The following LRP2 variants were observed in gnomAD, a reference collection of about 807,000 sequenced individuals.
LRP2 encodes low-density lipoprotein receptor-related protein 2.
A neutral mutation model predicts 531.0 loss-of-function variants in LRP2; 172 were observed. The ratio of observed to expected loss-of-function variants is 0.32; its 90% CI spans 0.29 to 0.37. LRP2 has a LOEUF of 0.37. Among genes scored for constraint, LRP2 ranks in the 10% least tolerant of loss-of-function variants. The pLI, the probability that LRP2 is intolerant of heterozygous loss-of-function variation, is 1.00. For synonymous variants in LRP2, 1,992 were observed against 2,027.6 expected, an observed-to-expected ratio of 0.98 and a Z score of 0.47; for missense variants, 5,167 against 5,868.3, an observed-to-expected ratio of 0.88 and a Z score of 3.90.
At chr2:169,289,969 C>T (rs1291942185) in intron 8 of LRP2, among the ~76,000 whole-genome samples, 1 of 152,134 alleles carries the variant, frequency 6.6e-6, no homozygotes, top group Non-Finnish European at 1.5e-5. Flanking sequence ...CTTGGGGTTG[C>T]AGTTACATGG....
In LRP2 at chr2:169,185,506, G is replaced by A. The variant is rs1178708182; in HGVS notation, c.9842C>T (p.Ser3281Phe). The A allele has an allele frequency of 1.2e-6, 2 of 1,612,992 alleles. No homozygotes were observed. The highest frequency in any genetic ancestry group is 1.7e-6 in the Non-Finnish European group (2 of 1,179,978). ...AAESLAVDWV[S>F]RKLYWLDARL... ...AAGCTCATCAGTGTTTTCTTACCTG[G>A]AAACCCAGTCTACAGCCAGACTTTC... is the stretch of plus-strand genomic sequence containing the variant. Residue 3281 changes from serine to phenylalanine, a missense_variant, in exon 50 of 79, where the codon TCC becomes TTC. Transcript: ENST00000649046.
intron 76 of LRP2, among the ~76,000 whole-genome samples, chr2:169,133,669 G>A (rs1685373192): frequency 6.6e-6 from 1 of 152,138 alleles, no homozygotes; most frequent in South Asian, 2.1e-4. Flanking sequence ...ATACATGTTC[G>A]CAGTTGACAA....
chr2:169,163,516 G>A (rs899958690), intron 62 of LRP2, among the ~76,000 whole-genome samples: 1 of 152,132 alleles, frequency 6.6e-6, no homozygotes, highest in Admixed American at 6.5e-5. Context: ...GGATGTAAGT[G>A]ACAATAAGTT....
At chr2:169,353,379 A>G (rs1574283602) in intron 1 of LRP2, among the ~76,000 whole-genome samples, 1 of 152,172 alleles carries the variant, frequency 6.6e-6, no homozygotes, top group Non-Finnish European at 1.5e-5. Flanking sequence ...AGGGGGGAGT[A>G]GGGTCAAGGA....
chr2:169,342,348 T>A (rs1646751186), intron 1 of LRP2, among the ~76,000 whole-genome samples: 1 of 152,170 alleles, frequency 6.6e-6, no homozygotes. Flanking sequence ...AAGCTTTCTC[T>A]TTGTTCCATG....
rs769746523 is a variant in LRP2 at position 169,280,493 on chromosome 2, T to C, written c.1198A>G (p.Asn400Asp). Residue 400 changes from asparagine to aspartate, a missense_variant, in exon 11 of 79, where the codon AAT (asparagine) becomes GAT (aspartate). Around this residue, in one of 6 missense-constraint regions of LRP2, gnomAD observed 2,811 missense variants for 3,058.0 expected, o/e 0.92. Coordinates refer to ENST00000649046, the MANE Select transcript of LRP2 (RefSeq NM_004525.3). ...TCACCAATTAACAAATCCCGACCAT[T>C]GGAGAAGATAATGGAGGCCTCGCCA... The part of the protein sequence containing the change: ...SFGEASIIFS[N>D]GRDLLIGDIH... 7 of 1,614,100 alleles carry C rather than the reference T, an allele frequency of 4.3e-6. No individual in the cohort carries two copies. The South Asian group carries it at 7.7e-5, about 18-fold the overall frequency.
chr2:169,154,778 G>T (rs562780317), intron 65 of LRP2, among the ~76,000 whole-genome samples, 175 bp from the exon 66 acceptor site: 2 of 152,242 alleles, frequency 1.3e-5, no homozygotes, highest in African/African-American at 4.8e-5. Flanking sequence ...TACAAAATCC[G>T]TGACTTGACA....
intron 3 of LRP2, among the ~76,000 whole-genome samples, chr2:169,315,781 A>G (rs1010916766): frequency 6.6e-6 from 1 of 152,088 alleles, no homozygotes; most frequent in African/African-American, 2.4e-5. Flanking sequence ...AGGCCAACCC[A>G]GAGACTACTG....
At chr2:169,146,034 A>C in intron 69 of LRP2, 111 bp from the exon 70 acceptor site, 1 of 970,556 alleles carries the variant, frequency 1.0e-6, no homozygotes, top group Non-Finnish European at 1.6e-6. Flanking sequence ...TTATTCCCTC[A>C]TACAATGCCT....
chr2:169,129,386 A>C (rs1685204799), intron 77 of LRP2, among the ~76,000 whole-genome samples: 1 of 152,236 alleles, frequency 6.6e-6, no homozygotes. Flanking sequence ...CTCAGTACAG[A>C]GAGAACACAT....
chr2:169,276,390 C>CA (rs1288637884), intron 13 of LRP2, among the ~76,000 whole-genome samples: 1 of 151,952 alleles, frequency 6.6e-6, no homozygotes, highest in Non-Finnish European at 1.5e-5. Context: ...TTATGCTTTA[C>CA]TTTTTTTTAC....
intron 29 of LRP2, among the ~76,000 whole-genome samples, chr2:169,234,060 G>C (rs1689512565): frequency 6.6e-6 from 1 of 152,086 alleles, no homozygotes; most frequent in Non-Finnish European, 1.5e-5. Flanking sequence ...TTATAGTTTA[G>C]ATGCATCTTT....
At chr2:169,210,752 C>T (rs760714528) in intron 37 of LRP2, among the ~76,000 whole-genome samples, 2 of 152,044 alleles carry the variant, frequency 1.3e-5, no homozygotes, top group Non-Finnish European at 2.9e-5. Context: ...ATTGTGAGGC[C>T]AACTGGAGAA....
At chr2:169,355,151 C>T (rs762911436) in intron 1 of LRP2, among the ~76,000 whole-genome samples, 5 of 152,208 alleles carry the variant, frequency 3.3e-5, no homozygotes, top group Non-Finnish European at 5.9e-5. Flanking sequence ...AATAAACCTT[C>T]TAAAAGTCCT....
chr2:169,281,873 C>T (rs1683714092), intron 10 of LRP2, among the ~76,000 whole-genome samples: 1 of 151,794 alleles, frequency 6.6e-6, no homozygotes, highest in Admixed American at 6.6e-5. Flanking sequence ...TATGTAAATA[C>T]AGTTAAATAT....
intron 3 of LRP2, among the ~76,000 whole-genome samples, chr2:169,310,603 C>T (rs1447126956): frequency 6.6e-6 from 1 of 152,166 alleles, no homozygotes; most frequent in Non-Finnish European, 1.5e-5. Flanking sequence ...TTGGGTTTGC[C>T]AGTATTTCAC....
At chr2:169,323,984 C>A (rs927941808) in intron 1 of LRP2, among the ~76,000 whole-genome samples, 6 of 152,082 alleles carry the variant, frequency 3.9e-5, no homozygotes, top group Non-Finnish European at 8.8e-5. Context: ...CAAATGAACA[C>A]CCTATCTCTC....
chr2:169,215,492 A>G (rs991646127), intron 35 of LRP2, among the ~76,000 whole-genome samples: 1 of 152,086 alleles, frequency 6.6e-6, no homozygotes, highest in Non-Finnish European at 1.5e-5. Context: ...AATCACCACT[A>G]AAGAAAGTTT....
At chr2:169,129,645 A>AT (rs1469420692) in intron 77 of LRP2, among the ~76,000 whole-genome samples, 2 of 152,172 alleles carry the variant, frequency 1.3e-5, no homozygotes, top group South Asian at 4.2e-4. Context: ...CAAGTTTCTG[A>AT]TTTTTTTTAA....
Sources: allele counts gnomAD v4.1 joint callset (sites outside exome capture counted in the v4.1 genomes callset), GRCh38; gene constraint gnomAD v4.1.1; regional missense constraint gnomAD v4.1.1; transcripts MANE v1.5; gene names NCBI Gene and HGNC (gene_info 2026-07-23, HGNC 2026-07-21).